ZMYND11: variants seen among roughly 807,000 people sequenced by gnomAD.
The protein encoded by ZMYND11 is zinc finger MYND domain-containing protein 11.
Under a neutral mutation model 84.9 loss-of-function variants are expected in ZMYND11, and 9 were observed. The ratio of observed to expected loss-of-function variants is 0.11; its 90% CI spans 0.06 to 0.18. The LOEUF (loss-of-function observed/expected upper bound fraction) is 0.18, where lower values mean the gene tolerates loss of function less well. ZMYND11 is among the 10% of genes least tolerant of loss of function. The pLI is 1.00. For synonymous variants in ZMYND11, 250 were observed against 244.1 expected (o/e 1.02, Z -0.23); for missense variants, 409 against 761.0 (o/e 0.54, Z 5.44).
intron 14 of ZMYND11, chr10:249,910 T>A (rs569191260): frequency 1.4e-4 from 52 of 372,032 alleles, no homozygotes; most frequent in African/African-American, 1.1e-3. Context: ...TTCGAATAGA[T>A]GAAGATAACT....
intron 1 of ZMYND11, among the ~76,000 whole-genome samples, chr10:170,437 T>C (rs1466245997): frequency 2.2e-5 from 3 of 136,524 alleles, no homozygotes; most frequent in African/African-American, 5.6e-5. Context: ...TGTGCGTGTG[T>C]GTGTGTGTGT....
At chr10:167,601 A>G (rs1844309623) in intron 1 of ZMYND11, among the ~76,000 whole-genome samples, 1 of 152,128 alleles carries the variant, frequency 6.6e-6, no homozygotes, top group Non-Finnish European at 1.5e-5. Context: ...ATCCAAACAA[A>G]CAAAAAGCTA....
intron 1 of ZMYND11, among the ~76,000 whole-genome samples, chr10:172,321 T>A (rs530631375): frequency 4.6e-5 from 7 of 152,340 alleles, no homozygotes; most frequent in African/African-American, 1.7e-4. Flanking sequence ...ACTGTCTTTG[T>A]TGACAGATGA....
At chr10:205,450 G>C (rs1943952424) in intron 2 of ZMYND11, among the ~76,000 whole-genome samples, 1 of 152,128 alleles carries the variant, frequency 6.6e-6, no homozygotes, top group Non-Finnish European at 1.5e-5. Context: ...AGCACTTTGA[G>C]AGGCTGAGGT....
At chr10:185,617 C>T (rs1427480923) in intron 2 of ZMYND11, among the ~76,000 whole-genome samples, 1 of 151,032 alleles carries the variant, frequency 6.6e-6, no homozygotes, top group Non-Finnish European at 1.5e-5. Context: ...GGTTCGAGAC[C>T]AGCCTTGCCA....
chr10:238,937 G>A (rs1950439333), intron 6 of ZMYND11, among the ~76,000 whole-genome samples: 1 of 152,162 alleles, frequency 6.6e-6, no homozygotes, highest in African/African-American at 2.4e-5. Context: ...CACCTGAGAT[G>A]TTATTTTAAA....
intron 9 of ZMYND11, among the ~76,000 whole-genome samples, chr10:241,525 C>G (rs1950924179): frequency 1.3e-5 from 2 of 152,124 alleles, no homozygotes; most frequent in Admixed American, 1.3e-4. Context: ...TTCATCCTTT[C>G]ACAAGAGACC....
At chr10:232,699 A>G (rs1949206256) in intron 4 of ZMYND11, among the ~76,000 whole-genome samples, 1 of 152,196 alleles carries the variant, frequency 6.6e-6, no homozygotes, top group African/African-American at 2.4e-5. Context: ...AGGAACATGG[A>G]AGCTTTCAAC....
chr10:250,953 G>T (rs1953342654), intron 14 of ZMYND11, among the ~76,000 whole-genome samples: 1 of 151,458 alleles, frequency 6.6e-6, no homozygotes, highest in Non-Finnish European at 1.5e-5. Context: ...AACCCAGGAG[G>T]CAGAGATCAA....
intron 2 of ZMYND11, among the ~76,000 whole-genome samples, chr10:202,359 A>G (rs1459103698): frequency 6.6e-6 from 1 of 152,190 alleles, no homozygotes; most frequent in Non-Finnish European, 1.5e-5. Flanking sequence ...TTTTTAAAGA[A>G]TAGAAGAGTG....
At chr10:155,908 G>C (rs1554758739) in intron 1 of ZMYND11, among the ~76,000 whole-genome samples, 1 of 152,178 alleles carries the variant, frequency 6.6e-6, no homozygotes, top group South Asian at 2.1e-4. Context: ...AAGGACAAGG[G>C]AATCCTTTGA....
rs1307070880 is a variant in ZMYND11, at chr10:236,887, GATTC to G, written c.492_495del (p.Phe164LeufsTer5). 1 of 1,613,706 alleles carries G rather than the reference GATTC, an allele frequency of 6.2e-7. No individual in the cohort carries two copies. ...AAACAGGAGATGGGCACATACCTCA[GATTC>G]ATTGTCTCCCGCATGAAGGAGAGGG... On this transcript the variant is annotated frameshift_variant, in exon 5 of 15. Transcript: ENST00000381604. LOFTEE classifies it high-confidence loss of function.
At chr10:237,212 CTT>C (rs1341985705) in intron 5 of ZMYND11, among the ~76,000 whole-genome samples, 2 of 152,108 alleles carry the variant, frequency 1.3e-5, no homozygotes, top group East Asian at 1.9e-4. Flanking sequence ...GATGATGACT[CTT>C]TAAAATGAAA....
chr10:237,580 C>G lies in ZMYND11; in HGVS notation c.517-5C>G. The G allele has an allele frequency of 6.3e-7, 1 of 1,599,542 alleles. No homozygotes were observed. Among genetic ancestry groups the G allele is most frequent in the Non-Finnish European group, 8.5e-7 (1 of 1,170,288 alleles). ...ATTTAAATTGATGTACTAACACCCT[C>G]TTAGGCTATAGATCTTAATAAAAAG... On this transcript the variant is annotated splice_polypyrimidine_tract_variant and splice_region_variant and intron_variant, in intron 5 of 14. Transcript: ENST00000381604.
rs114366303 is a variant in ZMYND11 at position 184,143 on chromosome 10, A to T, written c.116+4015A>T. 2.4e-3 allele frequency among the ~76,000 whole-genome samples: 361 copies of T among 152,294 alleles called. 1 individual carries two copies. Among genetic ancestry groups the T allele is most frequent in the African/African-American group, 8.4e-3 (349 of 41,558 alleles). On this transcript the variant is annotated intron_variant, in intron 2 of 14. Transcript: ENST00000381604. ...CTAAAATCTTTATCTACTTTCTGAC[A>T]TGGTGAGAATCATGGTTCTCAGGGA...
At chr10:232,531 A>G (rs1248631414) in intron 4 of ZMYND11, among the ~76,000 whole-genome samples, 5 of 152,242 alleles carry the variant, frequency 3.3e-5, no homozygotes, top group Non-Finnish European at 5.9e-5. Context: ...AAAGCTCCTC[A>G]GCCTGTGAAT....
intron 1 of ZMYND11, among the ~76,000 whole-genome samples, chr10:173,600 G>A (rs1845883651): frequency 1.3e-5 from 2 of 152,058 alleles, no homozygotes. Flanking sequence ...GTGCATGCCT[G>A]TAGTCCTAGC....
intron 4 of ZMYND11, among the ~76,000 whole-genome samples, chr10:233,915 C>G (rs2496279): frequency 0.93 from 141,526 of 152,278 alleles, 66,118 homozygotes; most frequent in Non-Finnish European, 0.98. Context: ...TATTTAAACA[C>G]ATAGAACCAA....
intron 4 of ZMYND11, among the ~76,000 whole-genome samples, chr10:223,474 C>T (rs879268673): frequency 1.3e-5 from 2 of 152,162 alleles, no homozygotes; most frequent in African/African-American, 2.4e-5. Flanking sequence ...TCAATCTAGA[C>T]ATTTTTATAC....
Sources: gnomAD v4.1 joint callset for allele counts (sites outside exome capture counted in the v4.1 genomes callset) on GRCh38, gnomAD v4.1.1 for gene constraint, MANE v1.5 for transcripts, NCBI Gene and HGNC (gene_info 2026-07-23, HGNC 2026-07-21) for gene names.